Variants in WWOX observed in about 807,000 individuals in gnomAD.
The protein encoded by WWOX is WW domain-containing oxidoreductase.
In WWOX, 69 loss-of-function variants were observed where a neutral mutation model predicts 46.2. The ratio of observed to expected loss-of-function variants is 1.49; its 90% CI spans 1.23 to 1.82. WWOX has a LOEUF of 1.82. Among genes scored for constraint, WWOX ranks in the 40% most tolerant of loss-of-function variants. The pLI, the probability that WWOX is intolerant of heterozygous loss-of-function variation, is 0.00. For synonymous variants in WWOX, 359 were observed against 202.6 expected, an observed-to-expected ratio of 1.77 and a Z score of -6.56; for missense variants, 919 against 542.6, an observed-to-expected ratio of 1.69 and a Z score of -6.89.
intron 8 of WWOX, among the ~76,000 whole-genome samples, chr16:79,023,960 C>CAAAG (rs1042404187): frequency 6.6e-6 from 1 of 151,244 alleles, no homozygotes; most frequent in African/African-American, 2.4e-5. Context: ...TCTCAAAAAA[C>CAAAG]AAACAAAAAA....
intron 5 of WWOX, among the ~76,000 whole-genome samples, chr16:78,323,214 C>T (rs190268175): frequency 1.5e-4 from 23 of 152,240 alleles, no homozygotes; most frequent in African/African-American, 5.3e-4. Context: ...TCACGCCATT[C>T]TCCTGCCTCA....
intron 8 of WWOX, among the ~76,000 whole-genome samples, chr16:79,186,659 T>A (rs895139018): frequency 6.6e-6 from 1 of 152,184 alleles, no homozygotes; most frequent in Admixed American, 6.5e-5. Context: ...GGGACATGAT[T>A]CAACCTATAA....
chr16:78,599,522 A>G (rs1440112796), intron 8 of WWOX, among the ~76,000 whole-genome samples: 3 of 152,174 alleles, frequency 2.0e-5, no homozygotes, highest in Non-Finnish European at 4.4e-5. Context: ...GGCCCTGGTC[A>G]TGTGTAGACA....
intron 8 of WWOX, among the ~76,000 whole-genome samples, chr16:78,653,353 AC>A (rs1352698749): frequency 1.3e-5 from 2 of 152,180 alleles, no homozygotes; most frequent in African/African-American, 4.8e-5. Flanking sequence ...TTTGCCTTAC[AC>A]TTTTTGTAAA....
chr16:78,492,691 GCTCTGGATAATT>G (rs1443058589), intron 8 of WWOX, among the ~76,000 whole-genome samples: 1 of 152,152 alleles, frequency 6.6e-6, no homozygotes, highest in African/African-American at 2.4e-5. Flanking sequence ...GTGCTTATGT[GCTCTGGATAATT>G]CTCAATGACT....
At chr16:78,426,488 C>T (rs1567566364) in intron 7 of WWOX, among the ~76,000 whole-genome samples, 2 of 152,090 alleles carry the variant, frequency 1.3e-5, no homozygotes, top group East Asian at 1.9e-4. Context: ...TTCAGAGATC[C>T]AAATCTCAGC....
In WWOX at chr16:78,392,709, A is replaced by G. The variant is rs1436197644; in HGVS notation, c.605+5761A>G. Among the ~76,000 whole-genome samples the G allele has an allele frequency of 5.9e-5, 9 of 152,120 alleles. 1 individual carries two copies. The highest frequency in any genetic ancestry group is 3.9e-4 in the East Asian group (2 of 5,188). On this transcript the variant is annotated intron_variant, in intron 6 of 8. Coordinates refer to ENST00000566780, the MANE Select transcript of WWOX (RefSeq NM_016373.4). The stretch of plus-strand genomic sequence containing the variant: ...AAGGGTAGATAACTCAAGAGACTCA[A>G]TCAACTTCGTGTTTAATGTTTTCGT...
intron 8 of WWOX, among the ~76,000 whole-genome samples, chr16:78,919,856 T>C (rs980564887): frequency 6.6e-6 from 1 of 152,152 alleles, no homozygotes; most frequent in East Asian, 1.9e-4. Flanking sequence ...GGAGACACAG[T>C]GTGTGCCAAA....
intron 6 of WWOX, among the ~76,000 whole-genome samples, chr16:78,414,454 A>G (rs112810057): frequency 6.6e-5 from 10 of 152,202 alleles, no homozygotes; most frequent in African/African-American, 2.4e-4. Context: ...CTGTAATCCC[A>G]GCTACTCAGG....
intron 8 of WWOX, among the ~76,000 whole-genome samples, chr16:78,976,724 A>G (rs2046579615): frequency 6.6e-6 from 1 of 152,212 alleles, no homozygotes; most frequent in South Asian, 2.1e-4. Flanking sequence ...ACCAGATACT[A>G]CTTCTATCTT....
chr16:78,965,015 G>T (rs2046338961), intron 8 of WWOX, among the ~76,000 whole-genome samples: 1 of 152,196 alleles, frequency 6.6e-6, no homozygotes, highest in Admixed American at 6.5e-5. Flanking sequence ...AAAATATATG[G>T]AAACACCTGG....
chr16:78,490,260 A>G (rs2084746208), intron 8 of WWOX, among the ~76,000 whole-genome samples: 2 of 152,016 alleles, frequency 1.3e-5, no homozygotes, highest in African/African-American at 2.4e-5. Context: ...CCAAGCACCA[A>G]CGGAAGCCTT....
At chr16:79,024,227 C>T (rs1341928360) in intron 8 of WWOX, among the ~76,000 whole-genome samples, 2 of 152,142 alleles carry the variant, frequency 1.3e-5, no homozygotes, top group East Asian at 1.9e-4. Context: ...CTGAACTGTA[C>T]ACTTTAAGTG....
rs1254578642 is a variant in WWOX, at chr16:79,184,350, A to G, written c.1057-27258A>G. On this transcript the variant is annotated intron_variant, in intron 8 of 8. Transcript: ENST00000566780. ...TTTTGAACACCCATCACTGTGACAG[A>G]CAGTGGCAATGCATGTAGGAACAAA... Among the ~76,000 whole-genome samples the G allele has an allele frequency of 3.3e-5, 5 of 152,210 alleles. No homozygotes were observed. The East Asian group carries it at 9.6e-4, about 29-fold the overall frequency.
chr16:78,279,744 T>C (rs2079642472), intron 5 of WWOX, among the ~76,000 whole-genome samples: 1 of 152,206 alleles, frequency 6.6e-6, no homozygotes, highest in Admixed American at 6.5e-5. Context: ...TGTCTTCACA[T>C]TGTTAAAATA....
intron 8 of WWOX, among the ~76,000 whole-genome samples, chr16:79,051,011 G>A (rs935547049): frequency 2.0e-5 from 3 of 152,182 alleles, no homozygotes; most frequent in African/African-American, 2.4e-5. Flanking sequence ...CACACGTCAC[G>A]GCTCTTCGCC....
intron 5 of WWOX, among the ~76,000 whole-genome samples, chr16:78,369,839 T>A (rs2081626756): frequency 6.6e-6 from 1 of 151,894 alleles, no homozygotes; most frequent in Non-Finnish European, 1.5e-5. Flanking sequence ...AGTGCTGTAA[T>A]GGAAACCATA....
At chr16:78,677,678 C>T (rs1021493990) in intron 8 of WWOX, among the ~76,000 whole-genome samples, 1 of 152,144 alleles carries the variant, frequency 6.6e-6, no homozygotes, top group Non-Finnish European at 1.5e-5. Flanking sequence ...TCTCTGGTCT[C>T]TATCTTATCT....
At chr16:78,995,577 A>G (rs538947333) in intron 8 of WWOX, among the ~76,000 whole-genome samples, 65 of 152,232 alleles carry the variant, frequency 4.3e-4, no homozygotes, top group African/African-American at 1.5e-3. Context: ...AAAAAAAAGA[A>G]AAAGAAAAAG....
Sources: allele counts gnomAD v4.1 joint callset (sites outside exome capture counted in the v4.1 genomes callset), GRCh38; gene constraint gnomAD v4.1.1; transcripts MANE v1.5; gene names NCBI Gene and HGNC (gene_info 2026-07-23, HGNC 2026-07-21).